Variants in SPTSSA observed in about 807,000 individuals in gnomAD.
SPTSSA encodes the protein small subunit of serine palmitoyltransferase A.
SPTSSA carries 8 observed loss-of-function variants against 9.1 expected under a neutral mutation model. The observed-to-expected ratio is 0.88, with a 90% CI of 0.51 to 1.58. SPTSSA has a LOEUF of 1.58. Among genes scored for constraint, SPTSSA ranks in the 40% most tolerant of loss-of-function variants. The pLI, the probability that SPTSSA is intolerant of heterozygous loss-of-function variation, is 0.00. For missense variants in SPTSSA, 100 were observed against 93.8 expected, an observed-to-expected ratio of 1.07 and a Z score of -0.27; for synonymous variants, 42 against 37.7, an observed-to-expected ratio of 1.11 and a Z score of -0.41.
Position 34,443,171 on chromosome 14 carries a change from G to GTGTGTGTGTGTGTGTGTGTT in SPTSSA, c.113-7868_113-7867insAACACACACACACACACACA, listed in dbSNP as rs775781106. 4.0e-4 allele frequency among the ~76,000 whole-genome samples: 25 copies of GTGTGTGTGTGTGTGTGTGTT among 62,126 alleles called. 3 individuals are homozygous for GTGTGTGTGTGTGTGTGTGTT. The highest frequency in any genetic ancestry group is 2.5e-3 in the African/African-American group (16 of 6,382). 40.8% of individuals were successfully genotyped at this position (62,126 alleles called of 152,430 possible). A position where few individuals can be genotyped will look rare whatever the true frequency, so the allele number is the denominator to read the frequency against. The stretch of plus-strand genomic sequence containing the variant: ...TGTGTGTGTGTGTGTGTGTGTGTGT[G>GTGTGTGTGTGTGTGTGTGTT]TTTTGAGATTGAGTTTTCCTCTAGG... On this transcript the variant is annotated intron_variant, in intron 1 of 1. Transcript: ENST00000298130.
At chr14:34,439,326 G>C (rs1462104841) in intron 1 of SPTSSA, among the ~76,000 whole-genome samples, 3 of 151,988 alleles carry the variant, frequency 2.0e-5, no homozygotes, top group Admixed American at 1.3e-4. Flanking sequence ...CGGAGGCTTG[G>C]GGGGTACATC....
intron 1 of SPTSSA, among the ~76,000 whole-genome samples, chr14:34,449,653 C>A (rs919378417): frequency 3.3e-5 from 5 of 151,954 alleles, no homozygotes; most frequent in Non-Finnish European, 5.9e-5. Context: ...CAGGCACGTG[C>A]CACCACGCCC....
chr14:34,443,071 T>A (rs78083343), intron 1 of SPTSSA, among the ~76,000 whole-genome samples: 18,654 of 112,662 alleles, frequency 0.17, 2,244 homozygotes, highest in African/African-American at 0.39. Context: ...CTGGAGTGCA[T>A]TGGCAGTCTT....
chr14:34,448,319 T>G (rs534506052), intron 1 of SPTSSA, among the ~76,000 whole-genome samples: 21 of 151,620 alleles, frequency 1.4e-4, no homozygotes, highest in Non-Finnish European at 2.8e-4. Context: ...TGGTCCCCAA[T>G]AGGTAGGGAC....
intron 1 of SPTSSA, among the ~76,000 whole-genome samples, chr14:34,435,684 T>C (rs8006226): frequency 0.086 from 12,434 of 144,852 alleles, 1,141 homozygotes; most frequent in African/African-American, 0.23. Flanking sequence ...GGCTGGAGTG[T>C]AATGGCACGA....
chr14:34,459,870 G>A (rs1351012929), intron 1 of SPTSSA, among the ~76,000 whole-genome samples: 1 of 152,142 alleles, frequency 6.6e-6, no homozygotes, highest in Admixed American at 6.5e-5. Context: ...GACAGGCAGA[G>A]GCAAATTTCT....
rs200039450 is a variant in SPTSSA at position 34,433,983 on chromosome 14, AC to A, written c.*1217del. The A allele has an allele frequency of 0.012, 1,857 of 149,936 alleles. 46 individuals are homozygous for A. Among genetic ancestry groups the A allele is most frequent in the African/African-American group, 0.042 (1,675 of 39,438 alleles). The allele number at this position is 149,936 out of a possible 1,614,324, so 9.3% of individuals were successfully genotyped here. A position where few individuals can be genotyped will look rare whatever the true frequency, so the allele number is the denominator to read the frequency against. ...GTCTCAAAAAAAAAAAAACAAAAAA[AC>A]AACCCAGCAACACACATAATTGCCT... On this transcript the variant is annotated 3_prime_UTR_variant, in exon 2 of 2. Transcript: ENST00000298130.
chr14:34,439,291 A>C (rs564989243), intron 1 of SPTSSA, among the ~76,000 whole-genome samples: 1 of 152,252 alleles, frequency 6.6e-6, no homozygotes, highest in Non-Finnish European at 1.5e-5. Context: ...AGGGGGCGCT[A>C]TAGGTCATTA....
At chr14:34,449,503 CTT>C (rs35238717) in intron 1 of SPTSSA, among the ~76,000 whole-genome samples, 19,121 of 123,372 alleles carry the variant, frequency 0.15, 1,561 homozygotes, top group East Asian at 0.27. Context: ...CCCGGCCTCC[CTT>C]TTTTTTTTTT....
intron 1 of SPTSSA, among the ~76,000 whole-genome samples, chr14:34,444,025 A>T (rs2138822858): frequency 6.6e-6 from 1 of 152,324 alleles, no homozygotes; most frequent in Middle Eastern, 3.4e-3. Context: ...GCAAAAGGGT[A>T]AGAATTTCTT....
rs754963973 is a variant in SPTSSA at position 34,462,055 on chromosome 14, C to T, written c.112+41G>A. ...GGGAAATGCGGCCCCGCGGCCCGCGCCCCCAGCCCGGCCCCCGCGCGCGCG... is the reference window on the plus strand; with the variant it reads ...GGGAAATGCGGCCCCGCGGCCCGCGTCCCCAGCCCGGCCCCCGCGCGCGCG... On this transcript the variant is annotated intron_variant, in intron 1 of 1. Coordinates refer to ENST00000298130, the MANE Select transcript of SPTSSA (RefSeq NM_138288.4). 6.3e-5 allele frequency: 81 copies of T among 1,289,722 alleles called. 1 individual carries two copies. Among genetic ancestry groups the T allele is most frequent in the Admixed American group, 4.5e-4 (12 of 26,960 alleles). 79.9% of individuals were successfully genotyped at this position (1,289,722 alleles called of 1,614,324 possible). A position where few individuals can be genotyped will look rare whatever the true frequency, so the allele number is the denominator to read the frequency against.
intron 1 of SPTSSA, among the ~76,000 whole-genome samples, chr14:34,437,884 T>G (rs535576039): frequency 6.6e-6 from 1 of 152,240 alleles, no homozygotes; most frequent in African/African-American, 2.4e-5. Context: ...CACCACAGCC[T>G]CGACCTCCCA....
At chr14:34,443,200 T>TGG (rs1432695813) in intron 1 of SPTSSA, among the ~76,000 whole-genome samples, 1 of 12,052 alleles carries the variant, frequency 8.3e-5, no homozygotes, top group East Asian at 1.5e-3. Flanking sequence ...CTCTAGGGGG[T>TGG]GTGTGTGTGT....
intron 1 of SPTSSA, among the ~76,000 whole-genome samples, chr14:34,444,340 C>T (rs1883382948): frequency 6.6e-6 from 1 of 152,182 alleles, no homozygotes; most frequent in African/African-American, 2.4e-5. Context: ...GTTTAACTTG[C>T]CTGCCTTCCA....
rs1281553927 is a variant in SPTSSA, at chr14:34,435,286, A to G, written c.131T>C (p.Ile44Thr). ...RTVFNSMLVS[I>T]VGMALYTGYV... ...TCCTGTGTATAGTGCCATCCCCACA[A>G]TGGAAACCAGCATGGAATCTGAGTT... The change falls in exon 2 of 2, where the codon ATT becomes ACT. Residue 44 changes from isoleucine (I) to threonine (T), a missense_variant. Ile to Thr is a moderately conservative substitution (Grantham distance 89). Transcript: ENST00000298130. 3.7e-6 allele frequency: 6 copies of G among 1,612,072 alleles called. No individual in the cohort carries two copies. The highest frequency in any genetic ancestry group is 2.2e-5 in the East Asian group (1 of 44,844).
chr14:34,446,322 C>T (rs1289304201), intron 1 of SPTSSA, among the ~76,000 whole-genome samples: 3 of 152,188 alleles, frequency 2.0e-5, no homozygotes, highest in African/African-American at 7.2e-5. Flanking sequence ...TTGATGTGAA[C>T]AGCTTTTCCA....
intron 1 of SPTSSA, among the ~76,000 whole-genome samples, chr14:34,453,884 T>TAAA (rs58447640): frequency 2.4e-4 from 36 of 147,732 alleles, no homozygotes; most frequent in East Asian, 2.0e-3. Flanking sequence ...TTTGTTCTTT[T>TAAA]AAAAAAAAAA....
intron 1 of SPTSSA, among the ~76,000 whole-genome samples, chr14:34,441,703 C>G (rs1014309171): frequency 2.0e-5 from 3 of 152,006 alleles, no homozygotes; most frequent in Non-Finnish European, 4.4e-5. Context: ...CACCCAGGAC[C>G]CATGTGGGTA....
intron 1 of SPTSSA, among the ~76,000 whole-genome samples, chr14:34,457,927 G>A (rs113107809): frequency 1.3e-4 from 18 of 136,782 alleles, no homozygotes; most frequent in African/African-American, 4.8e-4. Flanking sequence ...AACCGAGATC[G>A]CACCACTGCA....
Sources: allele counts gnomAD v4.1 joint callset (sites outside exome capture counted in the v4.1 genomes callset), GRCh38; gene constraint gnomAD v4.1.1; transcripts MANE v1.5; gene names NCBI Gene and HGNC (gene_info 2026-07-23, HGNC 2026-07-21).